AP5Z1: variants seen among roughly 807,000 people sequenced by gnomAD.
AP5Z1 encodes AP-5 complex subunit zeta-1.
A neutral mutation model predicts 83.0 loss-of-function variants in AP5Z1; 106 were observed. The observed-to-expected ratio is 1.28, with a 90% CI of 1.09 to 1.50. AP5Z1 has a LOEUF of 1.50. Among genes scored for constraint, AP5Z1 ranks in the 40% most tolerant of loss-of-function variants. The pLI is 0.00. For missense variants in AP5Z1, 1,565 were observed against 1,094.2 expected, an observed-to-expected ratio of 1.43 and a Z score of -6.07; for synonymous variants, 751 against 514.1, an observed-to-expected ratio of 1.46 and a Z score of -6.23.
intron 12 of AP5Z1, 98 bp downstream of exon 12, chr7:4,788,392 GGTGCTTTGTGTC>G: frequency 7.2e-7 from 1 of 1,386,284 alleles, no homozygotes; most frequent in Non-Finnish European, 9.6e-7. Context: ...CTGAGGCCAG[GGTGCTTTGTGTC>G]CCACACAAGG....
In AP5Z1 at chr7:4,775,661, G is replaced by A. The variant is rs966425629; in HGVS notation, c.-55G>A. The A allele has an allele frequency of 3.1e-6, 5 of 1,602,524 alleles. No homozygotes were observed. Among genetic ancestry groups the A allele is most frequent in the East Asian group, 2.2e-5 (1 of 44,766 alleles). On this transcript the variant is annotated 5_prime_UTR_variant, in exon 1 of 17. Transcript: ENST00000649063. ...AAGTTGACCGGGGTGCGGAGCTCCT[G>A]GGCTGCAGCTCCTGGAGTTTCCGAG...
At position 4,784,214 on chromosome 7, in the gene AP5Z1, C is replaced by A; in HGVS notation, c.633C>A (p.Val211=). Residue 211 remains valine (V), a synonymous_variant, in exon 6 of 17, where the codon GTC becomes GTA. Coordinates refer to ENST00000649063, the MANE Select transcript of AP5Z1 (RefSeq NM_014855.3). ...TGTCCTTCCCACAGCCGGGCCCCGTCACCGAGGTGGACGGGGCGGTAGCCA... is the reference window on the plus strand; with the variant it reads ...TGTCCTTCCCACAGCCGGGCCCCGTAACCGAGGTGGACGGGGCGGTAGCCA... ...STPRARQPGP[V]TEVDGAVATD... 6.3e-7 allele frequency: 1 copy of A among 1,583,268 alleles called. No homozygotes were observed.
chr7:4,790,681 C>CATCG lies in AP5Z1; in HGVS notation c.1948_1951dup (p.Gly651AspfsTer113). The stretch of plus-strand genomic sequence containing the variant: ...TCTGTCCCCGGGCCTAGGTGTGGGC[C>CATCG]ATCGGCGAGTACCTGTCGGTGACCT... On this transcript the variant is annotated frameshift_variant, in exon 16 of 17. Coordinates refer to ENST00000649063, the MANE Select transcript of AP5Z1 (RefSeq NM_014855.3). LOFTEE classifies it high-confidence loss of function. The CATCG allele has an allele frequency of 6.2e-7, 1 of 1,612,036 alleles. No individual in the cohort carries two copies. Among genetic ancestry groups the CATCG allele is most frequent in the Non-Finnish European group, 8.5e-7 (1 of 1,179,674 alleles).
chr7:4,781,407 G>C, intron 2 of AP5Z1, 95 bp downstream of exon 2: 1 of 1,583,200 alleles, frequency 6.3e-7, no homozygotes. Context: ...CTCCTTGGGG[G>C]TTGAGTCATT....
At position 4,791,206 on chromosome 7, in the gene AP5Z1, A is replaced by T. The variant is rs1719420981; in HGVS notation, c.2245A>T (p.Thr749Ser). 6.2e-7 allele frequency: 1 copy of T among 1,612,426 alleles called. No homozygotes were observed. Among genetic ancestry groups the T allele is most frequent in the African/African-American group, 1.3e-5 (1 of 74,858 alleles). Residue 749 changes from threonine to serine, a missense_variant, in exon 17 of 17, where the codon ACC becomes TCC. Physicochemically the swap from Thr to Ser is moderately conservative, Grantham distance 58. Transcript: ENST00000649063. ...CGAGGAGGGCGCGGAAGCCATCCGT[A>T]CCCGGGCCACAGAGCTGCTGACCCT... ...HSEEGAEAIR[T>S]RATELLTLLK...
rs775865217 is a variant in AP5Z1, at chr7:4,785,691, C to T, written c.1132+7C>T. 127 of 1,515,930 alleles carry T rather than the reference C, an allele frequency of 8.4e-5. No individual in the cohort carries two copies. Among genetic ancestry groups the T allele is most frequent in the Non-Finnish European group, 1.2e-5 (14 of 1,129,576 alleles). The allele number at this position is 1,515,930 out of a possible 1,614,324, so 93.9% of individuals were successfully genotyped here. A position where few individuals can be genotyped will look rare whatever the true frequency, so the allele number is the denominator to read the frequency against. ...CACTTCTTCCTGAGCCACGGTGAGCCCAGGGTGGGGTGGCGCTGACTCGGG... is the reference window on the plus strand; with the variant it reads ...CACTTCTTCCTGAGCCACGGTGAGCTCAGGGTGGGGTGGCGCTGACTCGGG... On this transcript the variant is annotated splice_region_variant and intron_variant, in intron 9 of 16. Transcript: ENST00000649063.
chr7:4,778,437 G>A (rs1157568150), intron 1 of AP5Z1, among the ~76,000 whole-genome samples: 1 of 152,114 alleles, frequency 6.6e-6, no homozygotes, highest in Non-Finnish European at 1.5e-5. Context: ...CACTAGCTCG[G>A]GAGCTAGTGG....
chr7:4,784,685 C>T (rs945446911), intron 6 of AP5Z1, among the ~76,000 whole-genome samples: 6 of 152,190 alleles, frequency 3.9e-5, no homozygotes, highest in South Asian at 4.1e-4. Context: ...GAGCTCCTCC[C>T]GGCTGCTCTG....
In AP5Z1 at chr7:4,789,891, G is replaced by C. The variant is rs369091114; in HGVS notation, c.1767G>C (p.Ser589=). Residue 589 remains serine (S), a synonymous_variant, in exon 14 of 17, where the codon TCG becomes TCC. Coordinates refer to ENST00000649063, the MANE Select transcript of AP5Z1 (RefSeq NM_014855.3). ...LALLLLGRSD[S]LYPAPGYAAG... ...TGCTGCTCCTGGGCAGGAGCGACTC[G>C]CTCTACCCGGCCCCAGGGTACGCTG... The C allele has an allele frequency of 7.9e-5, 122 of 1,551,280 alleles. 1 individual carries two copies. In the African/African-American group the frequency reaches 9.3e-4, roughly 12 times the overall value.
At chr7:4,784,535 A>G (rs1258397523) in intron 6 of AP5Z1, among the ~76,000 whole-genome samples, 164 bp downstream of exon 6, 1 of 152,062 alleles carries the variant, frequency 6.6e-6, no homozygotes, top group Non-Finnish European at 1.5e-5. Flanking sequence ...CTAGGCGGAG[A>G]GCACTCCCTG....
intron 12 of AP5Z1, 85 bp from the exon 13 acceptor site, chr7:4,788,755 G>A (rs577299814): frequency 6.3e-5 from 77 of 1,214,872 alleles, no homozygotes; most frequent in African/African-American, 9.1e-5. Context: ...TCAGCTGTGC[G>A]AGAGGGAGCA....
At chr7:4,784,397 A>C in intron 6 of AP5Z1, 26 bp downstream of exon 6, 2 of 1,460,162 alleles carry the variant, frequency 1.4e-6, no homozygotes, top group East Asian at 2.5e-5. Flanking sequence ...GGATGACGTC[A>C]GACAGGGGTG....
chr7:4,788,601 A>G, intron 12 of AP5Z1: 2 of 499,864 alleles, frequency 4.0e-6, no homozygotes, highest in Non-Finnish European at 7.0e-6. Flanking sequence ...GAGGCCTGGG[A>G]CCGGCCACAG....
chr7:4,781,423 A>C, intron 2 of AP5Z1, 111 bp downstream of exon 2: 1 of 1,564,658 alleles, frequency 6.4e-7, no homozygotes, highest in Non-Finnish European at 8.7e-7. Flanking sequence ...TCATTTGTCC[A>C]CTTAAACCAG....
rs1167398566 is a variant in AP5Z1 at position 4,788,969 on chromosome 7, G to A, written c.1707+18G>A. ...TGACCCAGGTGAGCTCGCTGCCTGG[G>A]GCCCCCCATTCCCACAGGCCTCACA... is the stretch of plus-strand genomic sequence containing the variant. On this transcript the variant is annotated intron_variant, in intron 13 of 16. Transcript: ENST00000649063. 2 of 1,602,384 alleles carry A rather than the reference G, an allele frequency of 1.2e-6. No homozygotes were observed. The highest frequency in any genetic ancestry group is 1.1e-5 in the South Asian group (1 of 89,552).
At chr7:4,777,149 C>G (rs12534424) in intron 1 of AP5Z1, among the ~76,000 whole-genome samples, 2 of 151,764 alleles carry the variant, frequency 1.3e-5, no homozygotes, top group African/African-American at 4.8e-5. Context: ...AGGCAACCTT[C>G]CCTTCAATCC....
intron 1 of AP5Z1, among the ~76,000 whole-genome samples, chr7:4,777,995 G>C (rs1418690955): frequency 6.6e-6 from 1 of 152,262 alleles, no homozygotes; most frequent in African/African-American, 2.4e-5. Flanking sequence ...GAGTTAGGAG[G>C]ATCGCTTGAG....
At position 4,790,881 on chromosome 7, in the gene AP5Z1, TC is replaced by T. The variant is rs1175974447; in HGVS notation, c.2151del (p.Arg718GlyfsTer9). On this transcript the variant is annotated frameshift_variant, in exon 16 of 17. Coordinates refer to ENST00000649063, the MANE Select transcript of AP5Z1 (RefSeq NM_014855.3). LOFTEE classifies it low-confidence loss of function (END_TRUNC). Reference protein sequence around the residue: ...TKLASRSQDLIPRASLLLSKM... With the variant: ...TKLASRSQDLXPRASLLLSKM... ...CTGGCCTCCCGGAGCCAAGATCTGA[TC>T]CCCAGGTGCCTGGTCAGGGAGGGAG... is the stretch of plus-strand genomic sequence containing the variant. The T allele has an allele frequency of 1.2e-6, 2 of 1,601,342 alleles. No homozygotes were observed. Among genetic ancestry groups the T allele is most frequent in the Non-Finnish European group, 8.5e-7 (1 of 1,175,028 alleles).
chr7:4,789,377 C>T (rs556523877), intron 13 of AP5Z1, among the ~76,000 whole-genome samples: 6 of 152,250 alleles, frequency 3.9e-5, no homozygotes, highest in Non-Finnish European at 7.4e-5. Context: ...CCCTGCTGCC[C>T]CTGATAATTC....
Sources: gnomAD v4.1 joint callset for allele counts (sites outside exome capture counted in the v4.1 genomes callset) on GRCh38, gnomAD v4.1.1 for gene constraint, MANE v1.5 for transcripts, NCBI Gene and HGNC (gene_info 2026-07-23, HGNC 2026-07-21) for gene names.